The following SRSF11 variants were observed in gnomAD, a reference collection of about 807,000 sequenced individuals.
SRSF11 encodes serine and arginine rich splicing factor 11, also known as serine/arginine-rich splicing factor 11.
In SRSF11, 9 loss-of-function variants were observed where a neutral mutation model predicts 56.0. That is an observed-to-expected ratio of 0.16 (90% CI 0.10 to 0.28). The LOEUF (loss-of-function observed/expected upper bound fraction) is 0.28, where lower values mean the gene tolerates loss of function less well. SRSF11 is among the 10% of genes least tolerant of loss of function. SRSF11 has a pLI of 1.00. For synonymous variants in SRSF11, 222 were observed against 215.3 expected (o/e 1.03, Z -0.27); for missense variants, 421 against 600.7 (o/e 0.70, Z 3.13).
intron 2 of SRSF11, chr1:70,231,702 C>A: frequency 8.4e-7 from 1 of 1,195,588 alleles, no homozygotes; most frequent in Non-Finnish European, 1.1e-6. Flanking sequence ...ACGCTTGATT[C>A]CAACAGAATA....
intron 2 of SRSF11, chr1:70,229,917 G>A (rs1337197774): frequency 1.0e-6 from 1 of 985,252 alleles, no homozygotes; most frequent in African/African-American, 1.7e-5. Flanking sequence ...TTTTGAGTTA[G>A]TGTGTTTTGG....
At chr1:70,219,407 A>G (rs377037271), upstream of SRSF11, among the ~76,000 whole-genome samples, 43 of 152,328 alleles carry the variant, frequency 2.8e-4, no homozygotes, top group African/African-American at 1.0e-3. Flanking sequence ...ATTTTAAATC[A>G]TCTCTATACT....
intron 1 of SRSF11, among the ~76,000 whole-genome samples, chr1:70,215,627 G>T (rs1436128927): frequency 6.6e-6 from 1 of 152,144 alleles, no homozygotes. Context: ...TTCATAAAAG[G>T]CCTGTTGCTT....
Position 70,250,979 on chromosome 1 carries a change from A to G in SRSF11, c.*174A>G, listed in dbSNP as rs1399504163. The G allele has an allele frequency of 3.4e-6, 2 of 595,360 alleles. No individual in the cohort carries two copies. Among genetic ancestry groups the G allele is most frequent in the Non-Finnish European group, 5.8e-6 (2 of 345,376 alleles). 36.9% of individuals were successfully genotyped at this position (595,360 alleles called of 1,614,324 possible). A position where few individuals can be genotyped will look rare whatever the true frequency, so the allele number is the denominator to read the frequency against. ...TATTTACATCAAAAAGCTTTTAGAA[A>G]ATGGTACGAGGTAACCAATTCTTGT... On this transcript the variant is annotated 3_prime_UTR_variant, in exon 12 of 12. Transcript: ENST00000370949.
chr1:70,232,124 A>G (rs756357078), intron 2 of SRSF11, 144 bp from the exon 3 acceptor site: 6 of 1,551,566 alleles, frequency 3.9e-6, no homozygotes, highest in Admixed American at 3.9e-5. Flanking sequence ...ATAAATAATC[A>G]TAGAAATCAA....
Position 70,235,496 on chromosome 1 carries a change from T to C in SRSF11, c.541-5T>C, listed in dbSNP as rs185939635. 3 of 1,604,612 alleles carry C rather than the reference T, an allele frequency of 1.9e-6. No homozygotes were observed. Among genetic ancestry groups the C allele is most frequent in the Middle Eastern group, 1.7e-4 (1 of 5,998 alleles). On this transcript the variant is annotated splice_region_variant and splice_polypyrimidine_tract_variant and intron_variant, in intron 4 of 11. Coordinates refer to ENST00000370949, the MANE Select transcript of SRSF11 (RefSeq NM_001350605.2). ...TCTCATTATTCTTATGTTTTATTTT[T>C]ACAGTCTCTTGCTGCAGATCAGTTG...
upstream of SRSF11, among the ~76,000 whole-genome samples, chr1:70,216,434 CTTT>C (rs71921219): frequency 2.1e-5 from 3 of 141,552 alleles, no homozygotes. Context: ...GGTTATTTAA[CTTT>C]TTTTTTTTTT....
chr1:70,234,723 G>A lies in SRSF11; in HGVS notation c.475G>A (p.Gly159Arg). ...TGGCGCTGTTCCACTGGCTGCTTTG[G>A]GGGCTCCTACTCTTGATCCTGCCCT... ...QIGAVPLAAL[G>R]APTLDPALAA... Residue 159 changes from glycine (G) to arginine (R), a missense_variant, in exon 4 of 12, where the codon GGG (glycine) becomes AGG (arginine). Coordinates refer to ENST00000370949, the MANE Select transcript of SRSF11 (RefSeq NM_001350605.2). 1 of 1,607,876 alleles carries A rather than the reference G, an allele frequency of 6.2e-7. No individual in the cohort carries two copies. The highest frequency in any genetic ancestry group is 8.5e-7 in the Non-Finnish European group (1 of 1,177,128).
intron 1 of SRSF11, among the ~76,000 whole-genome samples, chr1:70,215,967 G>A (rs1205798411): frequency 6.6e-6 from 1 of 152,174 alleles, no homozygotes; most frequent in Non-Finnish European, 1.5e-5. Flanking sequence ...TGTATTTTTA[G>A]TAGAGACGGG....
intron 1 of SRSF11, among the ~76,000 whole-genome samples, chr1:70,212,235 TTTAA>T (rs562486984): frequency 3.9e-5 from 6 of 152,146 alleles, no homozygotes; most frequent in Non-Finnish European, 7.4e-5. Context: ...TCATGGTACT[TTTAA>T]TTAATTAATT....
chr1:70,235,233 A>G lies in SRSF11; in HGVS notation c.541-268A>G, dbSNP rs891664962. Among the ~76,000 whole-genome samples, 3 of 152,202 alleles carry G rather than the reference A, an allele frequency of 2.0e-5. No homozygotes were observed. In the East Asian group the frequency reaches 5.8e-4, roughly 29 times the overall value. The stretch of plus-strand genomic sequence containing the variant: ...AAAGTCTTAAAGGAGACATAATTCT[A>G]TAATACCTAGACTGTTCAGCCTCAT... On this transcript the variant is annotated intron_variant, in intron 4 of 11. Transcript: ENST00000370949.
intron 4 of SRSF11, among the ~76,000 whole-genome samples, chr1:70,235,036 G>C (rs949571774): frequency 3.9e-5 from 6 of 152,174 alleles, no homozygotes; most frequent in African/African-American, 1.4e-4. Context: ...GTGTGTCATA[G>C]AGTCAGAGTA....
chr1:70,243,336 CAAAAAAAAAAAAAAAAAAAAA>C (rs56098296), intron 7 of SRSF11, among the ~76,000 whole-genome samples: 504 of 32,600 alleles, frequency 0.015, 13 homozygotes, highest in African/African-American at 0.029. Flanking sequence ...TGGTTGGTGG[CAAAAAAAAAAAAAAAAAAAAA>C]AAAAAAAAAA....
chr1:70,250,776 C>G lies in SRSF11; in HGVS notation c.1426C>G (p.His476Asp). The G allele has an allele frequency of 6.2e-7, 1 of 1,613,948 alleles. No homozygotes were observed. The highest frequency in any genetic ancestry group is 8.5e-7 in the Non-Finnish European group (1 of 1,179,942). The stretch of plus-strand genomic sequence containing the variant: ...ATCCAAAGTGAATGGGGATGATCAT[C>G]ATGAAGAAGACATGGATATGAGTGA... ...RESKVNGDDH[H>D]EEDMDMSD Residue 476 changes from histidine (H) to aspartate (D), a missense_variant, in exon 12 of 12, where the codon CAT (histidine) becomes GAT (aspartate). Physicochemically the swap from His to Asp is moderately conservative, Grantham distance 81 (BLOSUM62 -1). This residue lies in a region of SRSF11 where 253 missense variants were observed against 305.8 expected (regional missense o/e 0.83). Transcript: ENST00000370949.
intron 3 of SRSF11, among the ~76,000 whole-genome samples, chr1:70,233,224 T>G (rs373532065): frequency 2.4e-4 from 37 of 151,874 alleles, no homozygotes; most frequent in African/African-American, 8.7e-4. Flanking sequence ...TGTTTTTTTT[T>G]GTTTGTTTTT....
At position 70,250,482 on chromosome 1, in the gene SRSF11, A is replaced by T; in HGVS notation, c.1236A>T (p.Ser412=). Residue 412 remains serine, a synonymous_variant, in exon 11 of 12, where the codon TCA becomes TCT. Coordinates refer to ENST00000370949, the MANE Select transcript of SRSF11 (RefSeq NM_001350605.2). The stretch of plus-strand genomic sequence containing the variant: ...AGGAAAAGGACCGGGAAAGAAAATC[A>T]GAGAGTGATAAAGATGTAAAAGTAT... ...KDKEKDRERK[S]ESDKDVKQVT... 1 of 1,606,220 alleles carries T rather than the reference A, an allele frequency of 6.2e-7. No homozygotes were observed. The highest frequency in any genetic ancestry group is 8.5e-7 in the Non-Finnish European group (1 of 1,173,206).
chr1:70,208,131 T>C (rs1669223162), intron 1 of SRSF11, among the ~76,000 whole-genome samples: 1 of 152,210 alleles, frequency 6.6e-6, no homozygotes, highest in Non-Finnish European at 1.5e-5. Context: ...GTTCTTGAAG[T>C]TAAATATTTC....
At chr1:70,242,679 AT>A (rs1675760647) in intron 7 of SRSF11, among the ~76,000 whole-genome samples, 1 of 152,168 alleles carries the variant, frequency 6.6e-6, no homozygotes, top group African/African-American at 2.4e-5. Context: ...TATTAAAAAT[AT>A]GTTACACTAA....
chr1:70,227,640 A>G (rs942952090), intron 1 of SRSF11, among the ~76,000 whole-genome samples: 2 of 152,034 alleles, frequency 1.3e-5, no homozygotes, highest in African/African-American at 4.8e-5. Context: ...AATTTGAGCT[A>G]CCCTGTAACT....
Sources: allele counts gnomAD v4.1 joint callset (sites outside exome capture counted in the v4.1 genomes callset), GRCh38; gene constraint gnomAD v4.1.1; regional missense constraint gnomAD v4.1.1; transcripts MANE v1.5; gene names NCBI Gene and HGNC (gene_info 2026-07-23, HGNC 2026-07-21).